Variants in DSCAM observed in about 807,000 individuals in gnomAD.
DSCAM encodes the protein cell adhesion molecule DSCAM.
DSCAM carries 47 observed loss-of-function variants against 217.7 expected under a neutral mutation model. The observed-to-expected ratio is 0.22, with a 90% CI of 0.17 to 0.28. The LOEUF is 0.28. Ranked by LOEUF, DSCAM falls within the 10% of genes least tolerant of loss-of-function variation. The probability of loss-of-function intolerance (pLI) is 1.00; values close to 1 mark genes in which losing one functional copy is unlikely to be tolerated. For missense variants in DSCAM, 2,080 were observed against 2,618.3 expected (o/e 0.79, Z 4.49); for synonymous variants, 1,056 against 1,015.3 (o/e 1.04, Z -0.76).
chr21:40,629,068 GTGTGTGTGGTGTGTGTGTGTGT>G (rs2089647253), intron 3 of DSCAM, among the ~76,000 whole-genome samples: 1 of 135,486 alleles, frequency 7.4e-6, no homozygotes, highest in Admixed American at 8.0e-5. Context: ...TGTAGTATGT[GTGTGTGTGGTGTGTGTGTGTGT>G]GTGTGTGTGT....
chr21:40,245,630 C>T (rs549668760), intron 11 of DSCAM, among the ~76,000 whole-genome samples: 61 of 152,254 alleles, frequency 4.0e-4, no homozygotes, highest in Admixed American at 2.5e-3. Flanking sequence ...CAGGGAGGCT[C>T]GCTTAGGTGG....
chr21:40,750,084 C>T (rs1871985517), intron 1 of DSCAM, among the ~76,000 whole-genome samples: 1 of 152,090 alleles, frequency 6.6e-6, no homozygotes, highest in African/African-American at 2.4e-5. Flanking sequence ...CCCGCCACCA[C>T]ACCCAGCTAA....
chr21:40,366,000 T>C (rs1015294346), intron 4 of DSCAM, among the ~76,000 whole-genome samples: 1 of 152,184 alleles, frequency 6.6e-6, no homozygotes, highest in African/African-American at 2.4e-5. Context: ...GTCTATTTTC[T>C]ATTTCATTAG....
intron 3 of DSCAM, among the ~76,000 whole-genome samples, chr21:40,628,150 T>C (rs904545535): frequency 1.3e-5 from 2 of 152,192 alleles, no homozygotes; most frequent in East Asian, 3.8e-4. Flanking sequence ...TGAGCAAATA[T>C]ATTGGAAGCC....
At chr21:40,489,724 G>A (rs1051756788) in intron 3 of DSCAM, among the ~76,000 whole-genome samples, 5 of 118,800 alleles carry the variant, frequency 4.2e-5, no homozygotes, top group Admixed American at 3.7e-4. Context: ...GCAGTGAGCC[G>A]AGATCCCGCC....
chr21:40,678,596 C>T (rs2090366420), intron 3 of DSCAM, among the ~76,000 whole-genome samples: 1 of 152,110 alleles, frequency 6.6e-6, no homozygotes, highest in Admixed American at 6.5e-5. Flanking sequence ...GTAACCTTTC[C>T]AGGGCTCCAG....
chr21:40,713,787 T>G (rs2090809522), intron 1 of DSCAM, among the ~76,000 whole-genome samples: 1 of 152,150 alleles, frequency 6.6e-6, no homozygotes, highest in African/African-American at 2.4e-5. Flanking sequence ...AAGCACCAAC[T>G]TTAGATTGTC....
intron 11 of DSCAM, among the ~76,000 whole-genome samples, chr21:40,234,061 C>G (rs915488801): frequency 2.0e-5 from 3 of 152,238 alleles, no homozygotes; most frequent in Non-Finnish European, 2.9e-5. Context: ...TGTACAACAG[C>G]TCTTGTCACA....
chr21:40,718,550 G>GT (rs917223897), intron 1 of DSCAM, among the ~76,000 whole-genome samples: 9 of 152,108 alleles, frequency 5.9e-5, no homozygotes, highest in African/African-American at 1.9e-4. Context: ...GTCAGATCTC[G>GT]TGAGACTTAC....
chr21:40,290,098 G>A (rs1311606829), intron 10 of DSCAM, among the ~76,000 whole-genome samples: 1 of 152,082 alleles, frequency 6.6e-6, no homozygotes, highest in African/African-American at 2.4e-5. Flanking sequence ...AAATCAATGA[G>A]TTAAAAAACC....
At chr21:40,642,382 T>C (rs2089893468) in intron 3 of DSCAM, among the ~76,000 whole-genome samples, 1 of 152,124 alleles carries the variant, frequency 6.6e-6, no homozygotes, top group Non-Finnish European at 1.5e-5. Context: ...GCAGCTGATC[T>C]AGGTCATAGT....
intron 11 of DSCAM, among the ~76,000 whole-genome samples, chr21:40,209,989 T>G (rs1265402866): frequency 1.3e-5 from 2 of 152,218 alleles, no homozygotes; most frequent in African/African-American, 4.8e-5. Flanking sequence ...TTAAGACGTT[T>G]TATAATCTTG....
intron 1 of DSCAM, among the ~76,000 whole-genome samples, chr21:40,725,579 G>A (rs1305301627): frequency 1.3e-5 from 2 of 152,214 alleles, no homozygotes; most frequent in African/African-American, 2.4e-5. Context: ...AGCAAAGGGG[G>A]CATTGTCATC....
At chr21:40,220,505 T>C (rs559066957) in intron 11 of DSCAM, among the ~76,000 whole-genome samples, 20 of 152,320 alleles carry the variant, frequency 1.3e-4, no homozygotes, top group Non-Finnish European at 2.6e-4. Context: ...AAGAGATAAA[T>C]TAGCTTATCC....
Position 40,802,448 on chromosome 21 carries a change from AT to A in DSCAM, c.43+44170del, listed in dbSNP as rs375277331. On this transcript the variant is annotated intron_variant, in intron 1 of 32. Transcript: ENST00000400454. ...GGGGTTATGGGGATGGATTGCATATATTTGTATGTGAGAAGGACATGAGTTT... is the reference window on the plus strand; with the variant it reads ...GGGGTTATGGGGATGGATTGCATATATTGTATGTGAGAAGGACATGAGTTT... 1.8e-4 allele frequency among the ~76,000 whole-genome samples: 27 copies of A among 152,222 alleles called. No individual in the cohort carries two copies. The South Asian group carries it at 5.4e-3, about 30-fold the overall frequency.
At chr21:40,110,804 A>T (rs1017067878) in intron 20 of DSCAM, among the ~76,000 whole-genome samples, 1 of 152,256 alleles carries the variant, frequency 6.6e-6, no homozygotes, top group Non-Finnish European at 1.5e-5. Context: ...CAACTGGAAG[A>T]AAGGGTATCA....
intron 16 of DSCAM, among the ~76,000 whole-genome samples, chr21:40,157,938 C>A (rs1038311333): frequency 1.3e-5 from 2 of 152,108 alleles, no homozygotes; most frequent in Non-Finnish European, 2.9e-5. Flanking sequence ...AAGCAATCCT[C>A]CCAATTCAGC....
intron 3 of DSCAM, among the ~76,000 whole-genome samples, chr21:40,536,238 C>A (rs1414048368): frequency 2.0e-5 from 3 of 152,032 alleles, no homozygotes; most frequent in Non-Finnish European, 2.9e-5. Flanking sequence ...GAGTTGTGAC[C>A]CCCTAAATTC....
intron 19 of DSCAM, among the ~76,000 whole-genome samples, chr21:40,126,902 T>C (rs1351246195): frequency 6.6e-6 from 1 of 152,234 alleles, no homozygotes; most frequent in Non-Finnish European, 1.5e-5. Flanking sequence ...GAAGGTTTTC[T>C]GGATGACTGA....
Sources: gnomAD v4.1 joint callset for allele counts (sites outside exome capture counted in the v4.1 genomes callset) on GRCh38, gnomAD v4.1.1 for gene constraint, MANE v1.5 for transcripts, NCBI Gene and HGNC (gene_info 2026-07-23, HGNC 2026-07-21) for gene names.